Variants in PCDH11X observed in about 807,000 individuals in gnomAD.
PCDH11X encodes protocadherin-11 X-linked.
In PCDH11X, 18 loss-of-function variants were observed where a neutral mutation model predicts 53.3. The observed-to-expected ratio is 0.34, with a 90% CI of 0.23 to 0.50. The LOEUF (loss-of-function observed/expected upper bound fraction) is 0.50, where lower values mean the gene tolerates loss of function less well. Ranked by LOEUF, PCDH11X falls within the 20% of genes least tolerant of loss-of-function variation. The pLI is 0.98. For missense variants in PCDH11X, 570 were observed against 1,032.4 expected, an observed-to-expected ratio of 0.55 and a Z score of 6.14; for synonymous variants, 279 against 393.3, an observed-to-expected ratio of 0.71 and a Z score of 3.44.
chrX:92,320,414 TTCTC>T (rs370928083), intron 8 of PCDH11X, among the ~76,000 whole-genome samples: 32 of 107,545 alleles, frequency 3.0e-4, no homozygotes, highest in African/African-American at 1.0e-3. Context: ...CTCTCTTTCT[TTCTC>T]TCTCTCTCTC....
rs1237044462 is a variant in PCDH11X, at chrX:91,878,714, T to C, written c.2474T>C (p.Val825Ala). 1 of 1,207,885 alleles carries C rather than the reference T, an allele frequency of 8.3e-7. No individual in the cohort carries two copies. ...GCTGTTGCTGGCACCATAACTGTCG[T>C]TGTAGTTATTTTCATCACTGCTGTA... ...VAAVAGTITV[V>A]VVIFITAVVR... Residue 825 changes from valine to alanine, a missense_variant, in exon 6 of 11, where the codon GTT becomes GCT. Val to Ala is a moderately conservative substitution (Grantham distance 64). Transcript: ENST00000682573.
At chrX:91,800,578 C>G (rs928407989) in intron 1 of PCDH11X, among the ~76,000 whole-genome samples, 2 of 110,184 alleles carry the variant, frequency 1.8e-5, no homozygotes, top group Non-Finnish European at 3.8e-5. Flanking sequence ...AAACATGATA[C>G]ATAATAGATT....
chrX:92,590,659 G>C (rs748257562), intron 10 of PCDH11X, among the ~76,000 whole-genome samples: 11 of 111,898 alleles, frequency 9.8e-5, no homozygotes, highest in Admixed American at 2.8e-4. Flanking sequence ...ATTTTCAGAT[G>C]GGGGAACTAT....
At chrX:91,980,386 C>T (rs943516622) in intron 6 of PCDH11X, among the ~76,000 whole-genome samples, 5 of 100,225 alleles carry the variant, frequency 5.0e-5, no homozygotes, top group African/African-American at 1.8e-4. Context: ...ATTCACAGCT[C>T]TTTCTAGCTC....
rs372812275 is a variant in PCDH11X, at chrX:92,158,106, C to T, written c.3034-43269C>T. 5.4e-5 allele frequency among the ~76,000 whole-genome samples: 6 copies of T among 111,052 alleles called. No homozygotes were observed. The East Asian group carries it at 1.7e-3, about 31-fold the overall frequency. On this transcript the variant is annotated intron_variant, in intron 6 of 10. Coordinates refer to ENST00000682573, the MANE Select transcript of PCDH11X (RefSeq NM_032968.5). ...TGGCAGGCACCTGTAATCCCAGCTA[C>T]TGGGGAGGCTGAGGCAGGAGAATTG...
chrX:91,963,626 C>T (rs1348806118), intron 6 of PCDH11X, among the ~76,000 whole-genome samples: 1 of 111,449 alleles, frequency 9.0e-6, no homozygotes, highest in Non-Finnish European at 1.9e-5. Flanking sequence ...TTACCCATTT[C>T]CAAAATCGCT....
At chrX:92,180,336 G>A (rs1181602470) in intron 6 of PCDH11X, among the ~76,000 whole-genome samples, 1 of 110,823 alleles carries the variant, frequency 9.0e-6, no homozygotes, top group Admixed American at 9.7e-5. Context: ...TGCCATTTGG[G>A]TGGGGACACA....
At chrX:92,495,188 C>T (rs1237617236) in intron 10 of PCDH11X, among the ~76,000 whole-genome samples, 3 of 111,014 alleles carry the variant, frequency 2.7e-5, no homozygotes, top group African/African-American at 9.8e-5. Flanking sequence ...AATTGCTTAG[C>T]ATAATAAAAC....
At chrX:92,208,729 A>G (rs2066526290) in intron 7 of PCDH11X, among the ~76,000 whole-genome samples, 3 of 105,859 alleles carry the variant, frequency 2.8e-5, no homozygotes, top group Middle Eastern at 9.7e-3. Flanking sequence ...CGAAAATGCA[A>G]TTTTTAGAAA....
chrX:92,562,674 G>A (rs1447672037), intron 10 of PCDH11X, among the ~76,000 whole-genome samples: 4 of 110,224 alleles, frequency 3.6e-5, no homozygotes, highest in African/African-American at 1.3e-4. Context: ...TGAATGCTTT[G>A]CTGCTGAGAA....
intron 6 of PCDH11X, among the ~76,000 whole-genome samples, chrX:92,165,878 A>T (rs1287156721): frequency 1.1e-4 from 12 of 111,419 alleles, no homozygotes; most frequent in Non-Finnish European, 1.5e-4. Flanking sequence ...GCATTATGGG[A>T]CTATTACTAG....
At chrX:91,967,151 G>C (rs2061877204) in intron 6 of PCDH11X, among the ~76,000 whole-genome samples, 1 of 110,271 alleles carries the variant, frequency 9.1e-6, no homozygotes, top group South Asian at 4.0e-4. Context: ...GAGAGACGTT[G>C]GAAGGGACCT....
chrX:92,353,368 G>A (rs1166592649), intron 8 of PCDH11X, among the ~76,000 whole-genome samples: 4 of 111,716 alleles, frequency 3.6e-5, no homozygotes, highest in Non-Finnish European at 7.5e-5. Flanking sequence ...TACTGCAATC[G>A]CAGGTCAACT....
At chrX:92,444,737 T>G (rs940317409) in intron 9 of PCDH11X, among the ~76,000 whole-genome samples, 2 of 106,269 alleles carry the variant, frequency 1.9e-5, no homozygotes, top group Non-Finnish European at 3.9e-5. Context: ...GTTGGATTTT[T>G]TTTTTTTTTA....
Position 91,878,576 on chromosome X carries a change from C to G in PCDH11X, c.2336C>G (p.Ala779Gly), listed in dbSNP as rs1484330770. ...NLFVNESVTN[A>G]TLINELVRKS... is the part of the protein sequence containing the mutation. ...TTCGTGAATGAGTCGGTGACCAATG[C>G]TACACTGATTAATGAACTGGTGCGC... Residue 779 changes from alanine (A) to glycine (G), a missense_variant, in exon 6 of 11, where the codon GCT becomes GGT. Around this residue, in one of 6 missense-constraint regions of PCDH11X, gnomAD observed 226 missense variants for 457.5 expected, o/e 0.49. Coordinates refer to ENST00000682573, the MANE Select transcript of PCDH11X (RefSeq NM_032968.5). 3.3e-6 allele frequency: 4 copies of G among 1,209,317 alleles called. No homozygotes were observed. In the Admixed American group the frequency reaches 8.8e-5, roughly 27 times the overall value.
At chrX:92,592,734 A>AAAC (rs772694036) in intron 10 of PCDH11X, among the ~76,000 whole-genome samples, 574 of 112,129 alleles carry the variant, frequency 5.1e-3, no homozygotes, top group Non-Finnish European at 8.9e-3. Flanking sequence ...CCGTCTCAGA[A>AAAC]AACAACAACA....
chrX:92,000,108 G>C (rs181108947), intron 6 of PCDH11X, among the ~76,000 whole-genome samples: 7 of 111,117 alleles, frequency 6.3e-5, no homozygotes, highest in African/African-American at 2.3e-4. Context: ...TATGACCAGG[G>C]CTGGATCATA....
chrX:92,071,801 G>A (rs1430097936), intron 6 of PCDH11X, among the ~76,000 whole-genome samples: 2 of 111,755 alleles, frequency 1.8e-5, no homozygotes, highest in African/African-American at 6.5e-5. Context: ...GTGCTGAGCC[G>A]TCTGCAACTG....
chrX:91,801,120 C>T (rs1461030434), intron 1 of PCDH11X, among the ~76,000 whole-genome samples: 7 of 94,021 alleles, frequency 7.4e-5, no homozygotes, highest in Non-Finnish European at 1.5e-4. Flanking sequence ...GTGGAGGCTG[C>T]AGTGAACCAT....
Sources: gnomAD v4.1 joint callset for allele counts (sites outside exome capture counted in the v4.1 genomes callset) on GRCh38, gnomAD v4.1.1 for gene constraint, gnomAD v4.1.1 regional missense constraint, MANE v1.5 for transcripts, NCBI Gene and HGNC (gene_info 2026-07-23, HGNC 2026-07-21) for gene names.